RAB3GAP1: variants seen among roughly 807,000 people sequenced by gnomAD.
RAB3GAP1 encodes the protein RAB3 GTPase activating protein catalytic subunit 1, also known as rab3 GTPase-activating protein catalytic subunit.
A neutral mutation model predicts 130.7 loss-of-function variants in RAB3GAP1; 86 were observed. The observed-to-expected ratio is 0.66, with a 90% CI of 0.55 to 0.79. RAB3GAP1 has a LOEUF of 0.79. Among genes scored for constraint, RAB3GAP1 ranks in the 30% least tolerant of loss-of-function variants. The probability of loss-of-function intolerance (pLI) is 0.00; values close to 1 mark genes in which losing one functional copy is unlikely to be tolerated. For synonymous variants in RAB3GAP1, 367 were observed against 401.7 expected, an observed-to-expected ratio of 0.91 and a Z score of 1.03; for missense variants, 1,029 against 1,169.4, an observed-to-expected ratio of 0.88 and a Z score of 1.75.
chr2:135,138,212 G>A (rs1279447513), intron 17 of RAB3GAP1, among the ~76,000 whole-genome samples: 1 of 151,596 alleles, frequency 6.6e-6, no homozygotes, highest in Non-Finnish European at 1.5e-5. Flanking sequence ...GGAGGCCGAG[G>A]TGGGGTTGGA....
chr2:135,056,481 G>A (rs183414404), intron 2 of RAB3GAP1, among the ~76,000 whole-genome samples: 1 of 152,350 alleles, frequency 6.6e-6, no homozygotes, highest in Admixed American at 6.5e-5. Context: ...GGGATTACAC[G>A]CGTGAGCCGC....
intron 3 of RAB3GAP1, among the ~76,000 whole-genome samples, chr2:135,088,622 G>A (rs2104871478): frequency 6.9e-6 from 1 of 143,916 alleles, no homozygotes; most frequent in East Asian, 2.0e-4. Flanking sequence ...TTGGGAGGCG[G>A]AAGTTGCAGT....
rs1223390204 is a variant in RAB3GAP1 at position 135,133,873 on chromosome 2, C to CAGTT, written c.1340_1343dup (p.Phe448LeufsTer8). On this transcript the variant is annotated frameshift_variant, in exon 15 of 24. Transcript: ENST00000264158. LOFTEE classifies it high-confidence loss of function. ...TTGTTAAATTTAGAATCTCTACAAT[C>CAGTT]AGTTCAAGTCTGCACCATCTGACAG... 1.9e-6 allele frequency: 3 copies of CAGTT among 1,613,440 alleles called. No homozygotes were observed. The highest frequency in any genetic ancestry group is 2.5e-6 in the Non-Finnish European group (3 of 1,179,474).
At chr2:135,112,471 G>A (rs1246695752) in intron 5 of RAB3GAP1, among the ~76,000 whole-genome samples, 3 of 152,162 alleles carry the variant, frequency 2.0e-5, no homozygotes, top group East Asian at 1.9e-4. Flanking sequence ...GCAAGGTCAC[G>A]GCTGCTAAAG....
intron 3 of RAB3GAP1, among the ~76,000 whole-genome samples, chr2:135,079,999 C>T (rs1394801283): frequency 5.9e-5 from 9 of 151,880 alleles, no homozygotes; most frequent in Non-Finnish European, 1.2e-4. Flanking sequence ...CGCCTGTAGT[C>T]CCAGCTACTC....
chr2:135,146,853 C>G (rs2104971257), intron 17 of RAB3GAP1, among the ~76,000 whole-genome samples: 1 of 150,988 alleles, frequency 6.6e-6, no homozygotes, highest in Admixed American at 6.6e-5. Flanking sequence ...CATGGATATA[C>G]AAGTTTGTTT....
intron 23 of RAB3GAP1, chr2:135,167,668 GTTTCT>G: frequency 6.8e-7 from 1 of 1,478,992 alleles, no homozygotes; most frequent in Non-Finnish European, 9.1e-7. Flanking sequence ...TTTCATCACT[GTTTCT>G]TTTCTTACCC....
intron 3 of RAB3GAP1, among the ~76,000 whole-genome samples, chr2:135,086,357 CTG>C (rs1411744427): frequency 6.6e-6 from 1 of 152,086 alleles, no homozygotes; most frequent in Non-Finnish European, 1.5e-5. Context: ...TCAAGTTCCT[CTG>C]TGTTCTCTGT....
At chr2:135,117,513 GCTT>G (rs1187892015) in intron 7 of RAB3GAP1, among the ~76,000 whole-genome samples, 60 of 26,872 alleles carry the variant, frequency 2.2e-3, no homozygotes, top group East Asian at 9.7e-3. Flanking sequence ...TTCTTCTTCT[GCTT>G]CTTCTGCTTC....
Position 135,168,602 on chromosome 2 carries a change from A to C in RAB3GAP1, c.2767A>C (p.Arg923=). Residue 923 remains arginine (R), a synonymous_variant, in exon 24 of 24, where the codon AGA becomes CGA. Transcript: ENST00000264158. ...GAAGAGAATGGGCTCCCCAGAGGAAAGAAGGCAGAACTCCGTGTCAGACTT... is the reference window on the plus strand; with the variant it reads ...GAAGAGAATGGGCTCCCCAGAGGAACGAAGGCAGAACTCCGTGTCAGACTT... ...ELKRMGSPEE[R]RQNSVSDFPP... is the part of the protein sequence containing the mutation. 3 of 1,614,204 alleles carry C rather than the reference A, an allele frequency of 1.9e-6. No individual in the cohort carries two copies. The highest frequency in any genetic ancestry group is 2.5e-6 in the Non-Finnish European group (3 of 1,180,038).
chr2:135,135,939 T>TG lies in RAB3GAP1; in HGVS notation c.1923+8dup. The TG allele has an allele frequency of 2.5e-6, 4 of 1,613,130 alleles. No individual in the cohort carries two copies. The highest frequency in any genetic ancestry group is 3.4e-6 in the Non-Finnish European group (4 of 1,179,058). On this transcript the variant is annotated splice_region_variant and intron_variant, in intron 17 of 23. Transcript: ENST00000264158. Reference sequence around the variant, plus strand: ...CTACATTCCAGTAACCCAGGTAGGATGCACTAGTTCTTTCCATTTTAATTT... The same window carrying TG: ...CTACATTCCAGTAACCCAGGTAGGATGGCACTAGTTCTTTCCATTTTAATTT...
intron 3 of RAB3GAP1, among the ~76,000 whole-genome samples, chr2:135,080,366 T>A (rs1689759063): frequency 6.6e-6 from 1 of 152,160 alleles, no homozygotes; most frequent in Non-Finnish European, 1.5e-5. Flanking sequence ...ATAAATGTGA[T>A]ACATACTTAT....
intron 5 of RAB3GAP1, among the ~76,000 whole-genome samples, chr2:135,107,829 G>A (rs899793274): frequency 2.6e-5 from 4 of 151,792 alleles, no homozygotes; most frequent in Non-Finnish European, 5.9e-5. Context: ...AAAAAAATTA[G>A]CCAGGTGTGG....
chr2:135,092,218 C>T (rs1483121652), intron 4 of RAB3GAP1, among the ~76,000 whole-genome samples: 12 of 152,188 alleles, frequency 7.9e-5, no homozygotes, highest in East Asian at 3.9e-4. Context: ...GGGAAGTGTG[C>T]GCAATTGTTG....
chr2:135,134,128 C>A, intron 15 of RAB3GAP1, 95 bp downstream of exon 15: 1 of 1,420,080 alleles, frequency 7.0e-7, no homozygotes, highest in Non-Finnish European at 9.8e-7. Flanking sequence ...AGGAAGTCTG[C>A]CCTAAGAAAG....
intron 17 of RAB3GAP1, among the ~76,000 whole-genome samples, chr2:135,136,401 C>T (rs563141953): frequency 6.6e-6 from 1 of 152,194 alleles, no homozygotes; most frequent in East Asian, 1.9e-4. Context: ...AAGGATTTCC[C>T]AATGACATAG....
chr2:135,058,924 T>C (rs1347640812), intron 3 of RAB3GAP1: 1 of 152,158 alleles, frequency 6.6e-6, no homozygotes, highest in East Asian at 1.9e-4. Context: ...AATTATAATT[T>C]ACCCTGTGTT....
At chr2:135,106,056 TGAG>T (rs1690600845) in intron 5 of RAB3GAP1, among the ~76,000 whole-genome samples, 1 of 151,118 alleles carries the variant, frequency 6.6e-6, no homozygotes, top group African/African-American at 2.4e-5. Flanking sequence ...ATCTGGGAAG[TGAG>T]GAGCGTCTCG....
intron 5 of RAB3GAP1, among the ~76,000 whole-genome samples, chr2:135,095,885 A>G (rs868067377): frequency 6.6e-6 from 1 of 152,324 alleles, no homozygotes; most frequent in East Asian, 1.9e-4. Flanking sequence ...TGAGTATAGT[A>G]CAATAAGATA....
Sources: gnomAD v4.1 joint callset for allele counts (sites outside exome capture counted in the v4.1 genomes callset) on GRCh38, gnomAD v4.1.1 for gene constraint, MANE v1.5 for transcripts, NCBI Gene and HGNC (gene_info 2026-07-23, HGNC 2026-07-21) for gene names.